The following TSGA10 variants were observed in gnomAD, a reference collection of about 807,000 sequenced individuals.
TSGA10 encodes the protein testis specific 10.
TSGA10 carries 43 observed loss-of-function variants against 96.6 expected under a neutral mutation model. The ratio of observed to expected loss-of-function variants is 0.44; its 90% CI spans 0.35 to 0.57. TSGA10 has a LOEUF of 0.57. Among genes scored for constraint, TSGA10 ranks in the 20% least tolerant of loss-of-function variants. TSGA10 has a pLI of 0.01. For synonymous variants in TSGA10, 229 were observed against 269.9 expected (o/e 0.85, Z 1.48); for missense variants, 703 against 834.4 (o/e 0.84, Z 1.94).
At chr2:98,998,334 A>G (rs2104757605) in intron 20 of TSGA10, 113 bp from the exon 21 acceptor site, 2 of 847,854 alleles carry the variant, frequency 2.4e-6, no homozygotes, top group South Asian at 3.6e-5. Flanking sequence ...ATTTTTCTTC[A>G]TTTCTATGAA....
chr2:99,032,450 A>C (rs1401388253), intron 17 of TSGA10, among the ~76,000 whole-genome samples: 6 of 152,194 alleles, frequency 3.9e-5, no homozygotes, highest in Non-Finnish European at 7.3e-5. Context: ...ACTTTGTATA[A>C]TATGTAGTGA....
At position 99,114,549 on chromosome 2, in the gene TSGA10, G is replaced by C. The variant is rs75824695; in HGVS notation, c.-140+2995C>G. Among the ~76,000 whole-genome samples the C allele has an allele frequency of 9.9e-4, 150 of 152,066 alleles. 1 individual carries two copies. The East Asian group carries it at 0.027, about 28-fold the overall frequency. On this transcript the variant is annotated intron_variant, in intron 4 of 20. Coordinates refer to ENST00000393483, the MANE Select transcript of TSGA10 (RefSeq NM_025244.4). ...CTGCTTACCTCTTTTTCACCCAATA[G>C]CTTTCCAACCCTCAAATACACCCAA... is the stretch of plus-strand genomic sequence containing the variant.
intron 1 of TSGA10, among the ~76,000 whole-genome samples, chr2:99,133,856 T>C (rs2093213026): frequency 6.6e-6 from 1 of 152,240 alleles, no homozygotes; most frequent in Non-Finnish European, 1.5e-5. Context: ...TTAGTTTGGC[T>C]GGATATGAAA....
chr2:99,109,613 T>C, intron 5 of TSGA10, 101 bp from the exon 6 acceptor site: 1 of 989,222 alleles, frequency 1.0e-6, no homozygotes, highest in Non-Finnish European at 1.3e-6. Flanking sequence ...AGCATCATTT[T>C]CTAAGTGAAA....
chr2:99,073,804 T>C (rs2086265341), intron 12 of TSGA10, among the ~76,000 whole-genome samples: 1 of 152,044 alleles, frequency 6.6e-6, no homozygotes, highest in Admixed American at 6.6e-5. Flanking sequence ...AAAACTTCCA[T>C]TGACCCTGAA....
At chr2:99,026,992 G>C (rs1002281259) in intron 17 of TSGA10, among the ~76,000 whole-genome samples, 3 of 152,170 alleles carry the variant, frequency 2.0e-5, no homozygotes, top group Non-Finnish European at 4.4e-5. Context: ...CTCACAAGGA[G>C]TGTGCAACCT....
chr2:99,040,414 T>C (rs1320879485), intron 16 of TSGA10, among the ~76,000 whole-genome samples: 1 of 151,912 alleles, frequency 6.6e-6, no homozygotes, highest in East Asian at 1.9e-4. Flanking sequence ...ATGAATTCAG[T>C]ATACAAAATC....
intron 20 of TSGA10, among the ~76,000 whole-genome samples, chr2:99,013,668 A>C (rs1053005669): frequency 2.0e-4 from 31 of 151,776 alleles, no homozygotes; most frequent in Admixed American, 3.9e-4. Flanking sequence ...ATGCAACTGG[A>C]AATTACCTCC....
rs200309936 is a variant in TSGA10, at chr2:99,085,609, T to TAAAAAAAAAAAAAAA, written c.612-4227_612-4213dup. Among the ~76,000 whole-genome samples the TAAAAAAAAAAAAAAA allele has an allele frequency of 2.6e-3, 135 of 52,396 alleles. 1 individual carries two copies. Among genetic ancestry groups the TAAAAAAAAAAAAAAA allele is most frequent in the Middle Eastern group, 0.013 (1 of 76 alleles). 34.4% of individuals were successfully genotyped at this position (52,396 alleles called of 152,430 possible). On this transcript the variant is annotated intron_variant, in intron 10 of 20. Coordinates refer to ENST00000393483, the MANE Select transcript of TSGA10 (RefSeq NM_025244.4). The stretch of plus-strand genomic sequence containing the variant: ...GGGCAACAGAGGGCAATCCTGTCTT[T>TAAAAAAAAAAAAAAA]AAAAAAAAAAAAAAAAAAAAAAAAA...
chr2:99,013,205 G>T (rs1043014812), intron 20 of TSGA10, among the ~76,000 whole-genome samples: 13 of 152,106 alleles, frequency 8.5e-5, no homozygotes, highest in Non-Finnish European at 1.6e-4. Context: ...GTATCCCAGA[G>T]GTTTTGATAA....
At chr2:99,141,875 A>G (rs961423765) in intron 1 of TSGA10, 3 of 152,338 alleles carry the variant, frequency 2.0e-5, no homozygotes, top group Non-Finnish European at 4.4e-5. Flanking sequence ...GGCCCGTTTT[A>G]AGAGAGGCTT....
chr2:99,118,221 C>T (rs1305022265), intron 3 of TSGA10, among the ~76,000 whole-genome samples: 2 of 151,674 alleles, frequency 1.3e-5, no homozygotes, highest in Non-Finnish European at 2.9e-5. Flanking sequence ...GAGGCTGAGG[C>T]GGGCAGATCA....
At chr2:99,132,423 T>G (rs1260321587) in intron 1 of TSGA10, among the ~76,000 whole-genome samples, 2 of 151,564 alleles carry the variant, frequency 1.3e-5, no homozygotes, top group African/African-American at 4.8e-5. Flanking sequence ...GTAGAGACGT[T>G]TATAGTATTC....
intron 16 of TSGA10, among the ~76,000 whole-genome samples, chr2:99,037,646 C>T (rs889915652): frequency 2.6e-5 from 4 of 151,898 alleles, no homozygotes; most frequent in Admixed American, 2.0e-4. Flanking sequence ...GCCAGGAGTT[C>T]GAGACCAGCC....
chr2:99,102,230 C>T, intron 10 of TSGA10: 1 of 1,610,622 alleles, frequency 6.2e-7, no homozygotes. Context: ...GTGAAGTATT[C>T]CAGAAGTTAG....
intron 12 of TSGA10, among the ~76,000 whole-genome samples, chr2:99,077,714 A>T (rs1424910773): frequency 6.6e-6 from 1 of 151,916 alleles, no homozygotes; most frequent in Non-Finnish European, 1.5e-5. Flanking sequence ...GGTGCCCGCC[A>T]CCACGCCCAG....
chr2:99,050,017 T>G (rs1242118589), intron 16 of TSGA10, among the ~76,000 whole-genome samples: 1 of 152,152 alleles, frequency 6.6e-6, no homozygotes, highest in African/African-American at 2.4e-5. Flanking sequence ...AATTGTACTA[T>G]TGGTCCTATA....
At chr2:99,052,877 T>C (rs1257883288) in intron 16 of TSGA10, among the ~76,000 whole-genome samples, 1 of 152,100 alleles carries the variant, frequency 6.6e-6, no homozygotes, top group Non-Finnish European at 1.5e-5. Context: ...AGGACTAGCC[T>C]GGGCAACATG....
At chr2:99,133,378 G>C (rs1381782087) in intron 1 of TSGA10, among the ~76,000 whole-genome samples, 2 of 152,152 alleles carry the variant, frequency 1.3e-5, no homozygotes. Flanking sequence ...TTGGTTTAAA[G>C]TCTGTTTTAT....
Sources: allele counts gnomAD v4.1 joint callset (sites outside exome capture counted in the v4.1 genomes callset), GRCh38; gene constraint gnomAD v4.1.1; transcripts MANE v1.5; gene names NCBI Gene and HGNC (gene_info 2026-07-23, HGNC 2026-07-21).